The following DTL variants were observed in gnomAD, a reference collection of about 807,000 sequenced individuals.
DTL encodes the protein denticleless E3 ubiquitin protein ligase adapter.
Under a neutral mutation model 87.0 loss-of-function variants are expected in DTL, and 46 were observed. That is an observed-to-expected ratio of 0.53 (90% CI 0.42 to 0.68). The LOEUF is 0.68. Ranked by LOEUF, DTL falls within the 30% of genes least tolerant of loss-of-function variation. The pLI is 0.00. For synonymous variants in DTL, 308 were observed against 311.2 expected (o/e 0.99, Z 0.11); for missense variants, 737 against 869.4 (o/e 0.85, Z 1.91).
chr1:212,039,704 C>T (rs1446829962), intron 1 of DTL, among the ~76,000 whole-genome samples: 1 of 152,174 alleles, frequency 6.6e-6, no homozygotes, highest in African/African-American at 2.4e-5. Flanking sequence ...ATATATTTTT[C>T]CTAGGCTATA....
intron 13 of DTL, 37 bp downstream of exon 13, chr1:212,080,787 T>G (rs780407145): frequency 5.3e-5 from 85 of 1,608,992 alleles, no homozygotes; most frequent in Non-Finnish European, 6.9e-5. Context: ...TTTTTATGGT[T>G]TGACTAGTTT....
At chr1:212,082,625 G>A (rs1439288205) in intron 13 of DTL, among the ~76,000 whole-genome samples, 2 of 152,152 alleles carry the variant, frequency 1.3e-5, no homozygotes, top group Non-Finnish European at 2.9e-5. Flanking sequence ...GGTGCAGGTA[G>A]GCTACTGAGA....
At chr1:212,073,779 G>A (rs1654750052) in intron 11 of DTL, among the ~76,000 whole-genome samples, 1 of 151,880 alleles carries the variant, frequency 6.6e-6, no homozygotes, top group African/African-American at 2.4e-5. Context: ...GTATATACTT[G>A]ACTCCATCAC....
intron 10 of DTL, among the ~76,000 whole-genome samples, chr1:212,071,776 A>C (rs1015237045): frequency 2.0e-5 from 3 of 152,222 alleles, no homozygotes; most frequent in African/African-American, 7.2e-5. Flanking sequence ...AGAGGGTCTT[A>C]TAAAGGCATT....
chr1:212,044,545 A>G lies in DTL; in HGVS notation c.179-115A>G, dbSNP rs959363730. On this transcript the variant is annotated intron_variant, in intron 2 of 14. Coordinates refer to ENST00000366991, the MANE Select transcript of DTL (RefSeq NM_016448.4). ...CTTGAACCCAGGAGGTGGAGGTTGC[A>G]GTGAGCCAAACTGCACTATTGCACT... 3 of 587,016 alleles carry G rather than the reference A, an allele frequency of 5.1e-6. No homozygotes were observed. In the East Asian group the frequency reaches 9.0e-5, roughly 18 times the overall value. 36.4% of individuals were successfully genotyped at this position (587,016 alleles called of 1,614,324 possible).
At chr1:212,052,508 G>A (rs1668018444) in intron 5 of DTL, among the ~76,000 whole-genome samples, 1 of 151,658 alleles carries the variant, frequency 6.6e-6, no homozygotes, top group Admixed American at 6.6e-5. Flanking sequence ...GTTGTGGTGG[G>A]CACCTGTAAT....
intron 5 of DTL, among the ~76,000 whole-genome samples, chr1:212,052,245 T>C (rs1248687111): frequency 6.6e-6 from 1 of 152,232 alleles, no homozygotes; most frequent in Non-Finnish European, 1.5e-5. Flanking sequence ...TGTCTAGTCA[T>C]GGTTCCCTTC....
At chr1:212,057,922 G>A (rs1057290676) in intron 5 of DTL, among the ~76,000 whole-genome samples, 16 of 152,106 alleles carry the variant, frequency 1.1e-4, no homozygotes, top group Non-Finnish European at 2.2e-4. Flanking sequence ...AAGCAAGCAA[G>A]AATAGCTATA....
At chr1:212,049,881 T>C (rs1667912463) in intron 5 of DTL, among the ~76,000 whole-genome samples, 1 of 118,730 alleles carries the variant, frequency 8.4e-6, no homozygotes, top group Non-Finnish European at 1.7e-5. Context: ...ATATGAATAC[T>C]TTTTTTTTTT....
intron 1 of DTL, among the ~76,000 whole-genome samples, chr1:212,037,378 TTTC>T (rs555050439): frequency 1.9e-4 from 29 of 152,364 alleles, no homozygotes; most frequent in South Asian, 1.0e-3. Flanking sequence ...CTTGACCCCT[TTTC>T]TTCTTCTACC....
rs142710191 is a variant in DTL at position 212,092,266 on chromosome 1, G to A, written c.1262-7986G>A. On this transcript the variant is annotated intron_variant, in intron 13 of 14. Transcript: ENST00000366991. ...TAATGGTCTCCAGGCCAGGCGCAGT[G>A]GCTCATGCCTGTAATCCTAGCACTT... is the stretch of plus-strand genomic sequence containing the variant. 4.3e-4 allele frequency among the ~76,000 whole-genome samples: 66 copies of A among 152,286 alleles called. No homozygotes were observed. In the East Asian group the frequency reaches 0.012, roughly 28 times the overall value.
At chr1:212,042,864 A>T in intron 1 of DTL, 129 bp from the exon 2 acceptor site, 1 of 859,856 alleles carries the variant, frequency 1.2e-6, no homozygotes, top group Non-Finnish European at 1.7e-6. Context: ...TCTTCCATAG[A>T]TATTAATAGT....
chr1:212,059,779 CAAAAAAAAA>C (rs58890148), intron 5 of DTL, among the ~76,000 whole-genome samples: 53 of 80,220 alleles, frequency 6.6e-4, no homozygotes, highest in East Asian at 1.2e-3. Flanking sequence ...AAAGACTCTA[CAAAAAAAAA>C]AAAAAAAAAA....
intron 10 of DTL, among the ~76,000 whole-genome samples, 198 bp from the exon 11 acceptor site, chr1:212,071,903 G>A (rs747737909): frequency 6.6e-6 from 1 of 152,122 alleles, no homozygotes; most frequent in African/African-American, 2.4e-5. Flanking sequence ...CATGAGATTG[G>A]ATCTAATATA....
intron 5 of DTL, among the ~76,000 whole-genome samples, chr1:212,058,717 A>T (rs560249308): frequency 6.6e-6 from 1 of 152,150 alleles, no homozygotes; most frequent in Non-Finnish European, 1.5e-5. Flanking sequence ...TAGAGACTTA[A>T]AAAAACAAGA....
chr1:212,070,950 T>G (rs1386841399), intron 10 of DTL, among the ~76,000 whole-genome samples: 1 of 152,118 alleles, frequency 6.6e-6, no homozygotes, highest in African/African-American at 2.4e-5. Flanking sequence ...CAGGCTAGAG[T>G]TTTCCATTCA....
intron 6 of DTL, 135 bp downstream of exon 6, chr1:212,063,084 C>G: frequency 1.5e-6 from 1 of 673,614 alleles, no homozygotes; most frequent in South Asian, 1.8e-5. Flanking sequence ...CTCACTGTTC[C>G]AGATCTCAGG....
intron 10 of DTL, among the ~76,000 whole-genome samples, chr1:212,070,312 G>A (rs1341993278): frequency 2.0e-5 from 3 of 152,032 alleles, no homozygotes; most frequent in African/African-American, 4.8e-5. Context: ...TTAATAGATC[G>A]ATTTATTCCT....
At chr1:212,039,638 A>G (rs1667579675) in intron 1 of DTL, among the ~76,000 whole-genome samples, 1 of 152,234 alleles carries the variant, frequency 6.6e-6, no homozygotes. Context: ...TCATTGTGCA[A>G]ACATCACAGA....
Sources: gnomAD v4.1 joint callset for allele counts (sites outside exome capture counted in the v4.1 genomes callset) on GRCh38, gnomAD v4.1.1 for gene constraint, MANE v1.5 for transcripts, NCBI Gene and HGNC (gene_info 2026-07-23, HGNC 2026-07-21) for gene names.